The following NPAS3 variants were observed in gnomAD, a reference collection of about 807,000 sequenced individuals.
NPAS3 encodes the protein neuronal PAS domain-containing protein 3.
NPAS3 carries 14 observed loss-of-function variants against 73.1 expected under a neutral mutation model. That is an observed-to-expected ratio of 0.19 (90% CI 0.13 to 0.30). The LOEUF (loss-of-function observed/expected upper bound fraction) is 0.30. Among genes scored for constraint, NPAS3 ranks in the 10% least tolerant of loss-of-function variants. The pLI, the probability that NPAS3 is intolerant of heterozygous loss-of-function variation, is 1.00. For synonymous variants in NPAS3, 620 were observed against 541.5 expected (o/e 1.14, Z -2.01); for missense variants, 1,096 against 1,250.0 (o/e 0.88, Z 1.86).
chr14:33,254,974 AG>A (rs1267735529), intron 3 of NPAS3, among the ~76,000 whole-genome samples: 1 of 151,978 alleles, frequency 6.6e-6, no homozygotes, highest in East Asian at 1.9e-4. Flanking sequence ...AAAAAAAACT[AG>A]TTGCAGACTG....
chr14:33,445,643 G>A (rs959190401), intron 4 of NPAS3, among the ~76,000 whole-genome samples: 3 of 152,158 alleles, frequency 2.0e-5, no homozygotes, highest in African/African-American at 7.2e-5. Context: ...TTTCCCCAAG[G>A]CCTTCAGTTT....
At chr14:33,553,191 A>T (rs1047306827) in intron 4 of NPAS3, among the ~76,000 whole-genome samples, 5 of 152,238 alleles carry the variant, frequency 3.3e-5, no homozygotes, top group Non-Finnish European at 5.9e-5. Flanking sequence ...AGTAAAGCCT[A>T]AACTAGCATC....
chr14:33,343,693 A>G (rs1294575277), intron 3 of NPAS3, among the ~76,000 whole-genome samples: 1 of 152,242 alleles, frequency 6.6e-6, no homozygotes, highest in East Asian at 1.9e-4. Flanking sequence ...GTTTGAAAAC[A>G]AAATCTACCA....
chr14:33,136,040 G>C (rs560692757), intron 2 of NPAS3, among the ~76,000 whole-genome samples: 69 of 150,336 alleles, frequency 4.6e-4, no homozygotes, highest in African/African-American at 1.7e-3. Context: ...CCATTCATGT[G>C]CAATAACTAC....
At chr14:33,249,715 C>T (rs972634716) in intron 3 of NPAS3, among the ~76,000 whole-genome samples, 1 of 152,108 alleles carries the variant, frequency 6.6e-6, no homozygotes, top group Middle Eastern at 3.2e-3. Context: ...GTTTTGTCAT[C>T]AATTGCCATC....
At chr14:33,572,753 A>C (rs2056268299) in intron 5 of NPAS3, among the ~76,000 whole-genome samples, 1 of 152,146 alleles carries the variant, frequency 6.6e-6, no homozygotes, top group Admixed American at 6.5e-5. Flanking sequence ...GGCCAGGCGC[A>C]GTGGCACACA....
chr14:33,402,793 G>T (rs1809622335), intron 4 of NPAS3, among the ~76,000 whole-genome samples: 1 of 152,162 alleles, frequency 6.6e-6, no homozygotes, highest in African/African-American at 2.4e-5. Context: ...GGCTGTAGAG[G>T]CCTTGGGCAC....
At chr14:33,442,720 C>A (rs1022552410) in intron 4 of NPAS3, among the ~76,000 whole-genome samples, 2 of 152,216 alleles carry the variant, frequency 1.3e-5, no homozygotes, top group South Asian at 4.1e-4. Context: ...CCATACTGAA[C>A]TGTGAGTCAA....
At chr14:33,051,643 CAG>C (rs1251932415) in intron 1 of NPAS3, among the ~76,000 whole-genome samples, 2 of 152,170 alleles carry the variant, frequency 1.3e-5, no homozygotes, top group African/African-American at 4.8e-5. Flanking sequence ...TATCAGAAAA[CAG>C]AGAACGGATA....
rs368073248 is a variant in NPAS3, at chr14:33,122,612, C to A, written c.140+66618C>A. Among the ~76,000 whole-genome samples, 14 of 152,160 alleles carry A rather than the reference C, an allele frequency of 9.2e-5. No homozygotes were observed. The East Asian group carries it at 9.7e-4, about 11-fold the overall frequency. On this transcript the variant is annotated intron_variant, in intron 2 of 11. Transcript: ENST00000356141. ...AACCTGTGATCCTTACAGTTCCCAC[C>A]TTCATGTTGTGATACTCAGGTTCAA...
intron 2 of NPAS3, among the ~76,000 whole-genome samples, chr14:33,186,115 T>A (rs976229888): frequency 8.5e-5 from 13 of 152,266 alleles, no homozygotes; most frequent in Admixed American, 3.9e-4. Flanking sequence ...CACCCACAAG[T>A]CACTCTTGAT....
chr14:33,024,246 A>C (rs1236505416), intron 1 of NPAS3, among the ~76,000 whole-genome samples: 3 of 151,392 alleles, frequency 2.0e-5, no homozygotes, highest in African/African-American at 7.3e-5. Flanking sequence ...ATCTCGGCTC[A>C]CTGAAACCTC....
intron 1 of NPAS3, among the ~76,000 whole-genome samples, chr14:33,036,639 G>T (rs1040189557): frequency 6.6e-6 from 1 of 152,100 alleles, no homozygotes; most frequent in African/African-American, 2.4e-5. Context: ...GTGAAATACA[G>T]CTCTCTGTCT....
At chr14:33,467,374 T>C (rs986102660) in intron 4 of NPAS3, among the ~76,000 whole-genome samples, 1 of 152,174 alleles carries the variant, frequency 6.6e-6, no homozygotes, top group Non-Finnish European at 1.5e-5. Flanking sequence ...TTGGGGGAAG[T>C]AGATGGAAAA....
At chr14:33,566,036 T>A (rs112477108) in intron 5 of NPAS3, among the ~76,000 whole-genome samples, 7 of 152,258 alleles carry the variant, frequency 4.6e-5, no homozygotes, top group African/African-American at 1.7e-4. Flanking sequence ...AAAAATGCCC[T>A]TTTGAATGTG....
intron 11 of NPAS3, 100 bp downstream of exon 11, chr14:33,797,681 G>A: frequency 8.3e-7 from 1 of 1,201,122 alleles, no homozygotes; most frequent in Non-Finnish European, 1.2e-6. Context: ...AAAGCAACTG[G>A]TCACATTTCA....
chr14:33,441,404 A>C (rs58718426), intron 4 of NPAS3, among the ~76,000 whole-genome samples: 26,214 of 152,016 alleles, frequency 0.17, 2,490 homozygotes, highest in East Asian at 0.42. Flanking sequence ...AGATAAAAGA[A>C]TCTTAGAGTG....
rs181251338 is a variant in NPAS3 at position 33,332,206 on chromosome 14, C to T, written c.386-34980C>T. 6.6e-5 allele frequency among the ~76,000 whole-genome samples: 10 copies of T among 152,260 alleles called. No individual in the cohort carries two copies. In the East Asian group the frequency reaches 1.2e-3, roughly 18 times the overall value. ...ATTCCCAAAGCGATTTTATTTCTTT[C>T]GCTCACTAAATTTCTTAGTGTGGTT... is the stretch of plus-strand genomic sequence containing the variant. On this transcript the variant is annotated intron_variant, in intron 3 of 11. Transcript: ENST00000356141.
chr14:33,800,674 C>T lies in NPAS3; in HGVS notation c.2367C>T (p.Asp789=). ...CCAACTCCTTGCTGTACACTGGGGA[C>T]CTGGAGGCGCTGCAGAGGTTGCAGG... Residue 789 remains aspartate, a synonymous_variant, in exon 12 of 12, where the codon GAC becomes GAT. Coordinates refer to ENST00000356141, the Ensembl canonical transcript of NPAS3. The surrounding 1 kb of genome is among the most constrained non-coding windows in gnomAD (Gnocchi z 6.5). 6.5e-7 allele frequency: 1 copy of T among 1,543,962 alleles called. No homozygotes were observed. The highest frequency in any genetic ancestry group is 1.4e-5 in the African/African-American group (1 of 73,148).
Sources: allele counts gnomAD v4.1 joint callset (sites outside exome capture counted in the v4.1 genomes callset), GRCh38; gene constraint gnomAD v4.1.1; non-coding constraint Gnocchi (gnomAD v3.1); transcripts MANE v1.5; gene names NCBI Gene and HGNC (gene_info 2026-07-23, HGNC 2026-07-21).